The following CNTNAP5 variants were observed in gnomAD, a reference collection of about 807,000 sequenced individuals.
The protein encoded by CNTNAP5 is contactin-associated protein-like 5.
CNTNAP5 carries 72 observed loss-of-function variants against 150.2 expected under a neutral mutation model. The observed-to-expected ratio is 0.48, with a 90% confidence interval of 0.40 to 0.58. The LOEUF (loss-of-function observed/expected upper bound fraction) is 0.58. CNTNAP5 is among the 20% of genes least tolerant of loss of function. CNTNAP5 has a pLI of 0.00. For synonymous variants in CNTNAP5, 672 were observed against 619.8 expected (o/e 1.08, Z -1.25); for missense variants, 1,636 against 1,626.2 (o/e 1.01, Z -0.10).
chr2:124,900,705 A>C (rs1046845472), intron 21 of CNTNAP5, among the ~76,000 whole-genome samples: 3 of 151,642 alleles, frequency 2.0e-5, no homozygotes, highest in African/African-American at 7.3e-5. Flanking sequence ...CCTGGGAATG[A>C]GAGCTGGCAA....
At chr2:124,051,303 G>T (rs1273831412) in intron 1 of CNTNAP5, among the ~76,000 whole-genome samples, 3 of 152,142 alleles carry the variant, frequency 2.0e-5, no homozygotes, top group African/African-American at 7.2e-5. Context: ...ATGATCTGAT[G>T]CAGGCTCCAC....
chr2:124,082,448 C>T (rs932619243), intron 1 of CNTNAP5, among the ~76,000 whole-genome samples: 30 of 151,142 alleles, frequency 2.0e-4, no homozygotes, highest in African/African-American at 6.8e-4. Flanking sequence ...CATGGAGTTG[C>T]AAGTATCAAC....
chr2:124,377,185 A>G (rs1690668610), intron 3 of CNTNAP5, among the ~76,000 whole-genome samples: 1 of 152,134 alleles, frequency 6.6e-6, no homozygotes, highest in Admixed American at 6.5e-5. Context: ...CAAGGAGTTA[A>G]CTAAGATGGT....
chr2:124,088,872 C>G (rs1228545687), intron 1 of CNTNAP5, among the ~76,000 whole-genome samples: 1 of 152,300 alleles, frequency 6.6e-6, no homozygotes, highest in Admixed American at 6.5e-5. Flanking sequence ...GCAGGTTCAC[C>G]ACTCGGCCTT....
chr2:124,204,414 C>T (rs1197530424), intron 1 of CNTNAP5, among the ~76,000 whole-genome samples: 1 of 152,154 alleles, frequency 6.6e-6, no homozygotes, highest in East Asian at 1.9e-4. Context: ...CTTCTGAGCC[C>T]TCCGAACTGT....
chr2:124,650,469 A>G (rs1461552757), intron 13 of CNTNAP5, among the ~76,000 whole-genome samples: 1 of 152,238 alleles, frequency 6.6e-6, no homozygotes, highest in Non-Finnish European at 1.5e-5. Flanking sequence ...TGGATTCAAC[A>G]GCCAGCATCC....
At chr2:124,628,743 G>A (rs1573507897) in intron 12 of CNTNAP5, among the ~76,000 whole-genome samples, 1 of 152,086 alleles carries the variant, frequency 6.6e-6, no homozygotes, top group East Asian at 1.9e-4. Context: ...TGGGCTAAAT[G>A]CCCCAAATAA....
At chr2:124,374,047 G>A (rs1043569936) in intron 3 of CNTNAP5, among the ~76,000 whole-genome samples, 7 of 151,956 alleles carry the variant, frequency 4.6e-5, no homozygotes, top group Non-Finnish European at 1.0e-4. Context: ...ATCTATGGTG[G>A]TGATATTTTG....
chr2:124,395,256 A>C (rs905183047), intron 3 of CNTNAP5, among the ~76,000 whole-genome samples: 6 of 152,204 alleles, frequency 3.9e-5, no homozygotes, highest in African/African-American at 1.4e-4. Context: ...GTGCCATAGC[A>C]GTTCAGAGGA....
chr2:124,592,138 T>C (rs1017230369), intron 11 of CNTNAP5, among the ~76,000 whole-genome samples: 2 of 152,126 alleles, frequency 1.3e-5, no homozygotes, highest in Admixed American at 1.3e-4. Context: ...ACACCGAGGA[T>C]GATTTCTGTC....
At chr2:124,097,546 C>G (rs1682963517) in intron 1 of CNTNAP5, among the ~76,000 whole-genome samples, 1 of 152,212 alleles carries the variant, frequency 6.6e-6, no homozygotes, top group Non-Finnish European at 1.5e-5. Context: ...TAAGGACATG[C>G]TGGCGCCCCA....
At chr2:124,684,240 T>C (rs891656608) in intron 13 of CNTNAP5, among the ~76,000 whole-genome samples, 3 of 152,150 alleles carry the variant, frequency 2.0e-5, no homozygotes, top group Non-Finnish European at 4.4e-5. Context: ...GGAGTGCTGT[T>C]AACATGCAGT....
At chr2:124,718,503 G>C (rs1679988795) in intron 13 of CNTNAP5, among the ~76,000 whole-genome samples, 1 of 152,148 alleles carries the variant, frequency 6.6e-6, no homozygotes, top group South Asian at 2.1e-4. Context: ...AAAAATGGAA[G>C]AGCCCAAACT....
chr2:124,248,016 A>G (rs545329486), intron 3 of CNTNAP5, among the ~76,000 whole-genome samples: 35 of 152,326 alleles, frequency 2.3e-4, no homozygotes, highest in Admixed American at 8.5e-4. Flanking sequence ...TAAAAGCTCA[A>G]TTAAGAACTT....
intron 13 of CNTNAP5, among the ~76,000 whole-genome samples, chr2:124,746,164 C>G (rs1229609226): frequency 1.3e-5 from 2 of 152,238 alleles, no homozygotes; most frequent in South Asian, 4.1e-4. Flanking sequence ...TGTTGTATAT[C>G]AATCACAAAT....
Position 124,361,226 on chromosome 2 carries a change from G to C in CNTNAP5, c.382-56217G>C, listed in dbSNP as rs1337623847. On this transcript the variant is annotated intron_variant, in intron 3 of 23. Coordinates refer to ENST00000682447, the MANE Select transcript of CNTNAP5 (RefSeq NM_001367498.1). ...TACATTCTTCTAAATTTTTTTCAAA[G>C]TTTTCAACTTCTTTGCCTTTGGTTT... Among the ~76,000 whole-genome samples, 71 of 144,262 alleles carry C rather than the reference G, an allele frequency of 4.9e-4. 2 individuals are homozygous for C. The East Asian group carries it at 5.2e-3, about 11-fold the overall frequency. 94.6% of individuals were successfully genotyped at this position (144,262 alleles called of 152,430 possible). A position where few individuals can be genotyped will look rare whatever the true frequency, so the allele number is the denominator to read the frequency against.
rs1681688462 is a variant in CNTNAP5, at chr2:124,789,993, G to A, written c.2844G>A (p.Lys948=). The change falls in exon 18 of 24, where the codon AAG becomes AAA. Residue 948 remains lysine, a synonymous_variant. Transcript: ENST00000682447. ...GQKMDLEERA[K]VTSGVRPGCP... ...AAATGGACCTGGAAGAGAGGGCAAA[G>A]GTCACATCTGGAGTCAGGCCAGGCT... 1 of 1,613,840 alleles carries A rather than the reference G, an allele frequency of 6.2e-7. No homozygotes were observed. Among genetic ancestry groups the A allele is most frequent in the Admixed American group, 1.7e-5 (1 of 59,990 alleles).
chr2:124,790,104 C>T lies in CNTNAP5; in HGVS notation c.2955C>T (p.Cys985=), dbSNP rs1374302850. The T allele has an allele frequency of 1.2e-6, 2 of 1,613,744 alleles. No homozygotes were observed. The highest frequency in any genetic ancestry group is 1.7e-6 in the Non-Finnish European group (2 of 1,179,834). The stretch of plus-strand genomic sequence containing the variant: ...AGCACAATGGCTACCTGTGTGATTG[C>T]ACCAATTCACCTTATGAAGGGCCCT... The part of the protein sequence containing the change: ...VEKHNGYLCD[C]TNSPYEGPFC... Residue 985 remains cysteine, a synonymous_variant, in exon 18 of 24, where the codon TGC becomes TGT. Coordinates refer to ENST00000682447, the MANE Select transcript of CNTNAP5 (RefSeq NM_001367498.1).
chr2:124,209,658 G>C (rs1244710647), intron 1 of CNTNAP5, among the ~76,000 whole-genome samples: 2 of 152,118 alleles, frequency 1.3e-5, no homozygotes, highest in Non-Finnish European at 2.9e-5. Context: ...GCAATTCTCT[G>C]TGGTCATCAC....
Sources: gnomAD v4.1 joint callset for allele counts (sites outside exome capture counted in the v4.1 genomes callset) on GRCh38, gnomAD v4.1.1 for gene constraint, MANE v1.5 for transcripts, NCBI Gene and HGNC (gene_info 2026-07-23, HGNC 2026-07-21) for gene names.